The following TMEM170B variants were observed in gnomAD, a reference collection of about 807,000 sequenced individuals.
TMEM170B encodes the protein transmembrane protein 170B.
TMEM170B carries 6 observed loss-of-function variants against 13.0 expected under a neutral mutation model. That is an observed-to-expected ratio of 0.46 (90% CI 0.25 to 0.91). The LOEUF is 0.91. Among genes scored for constraint, TMEM170B ranks in the 40% least tolerant of loss-of-function variants. The pLI is 0.17. For synonymous variants in TMEM170B, 61 were observed against 64.9 expected (o/e 0.94, Z 0.29); for missense variants, 138 against 165.2 (o/e 0.84, Z 0.90).
intron 1 of TMEM170B, 100 bp from the exon 2 acceptor site, chr6:11,565,566 T>A (rs890919469): frequency 4.0e-6 from 5 of 1,247,840 alleles, no homozygotes; most frequent in South Asian, 1.3e-5. Flanking sequence ...CTATGTATTA[T>A]GTCATTTAAC....
rs756809667 is a variant in TMEM170B at position 11,577,319 on chromosome 6, A to G, written c.*1758A>G. The G allele has an allele frequency of 6.6e-6, 1 of 152,124 alleles. No homozygotes were observed. The highest frequency in any genetic ancestry group is 2.4e-5 in the African/African-American group (1 of 41,454). The allele number at this position is 152,124 out of a possible 1,614,324, so 9.4% of individuals were successfully genotyped here. On this transcript the variant is annotated 3_prime_UTR_variant, in exon 3 of 3. Coordinates refer to ENST00000379426, the MANE Select transcript of TMEM170B (RefSeq NM_001100829.3). ...ATGGATCTTTGAAGTAAATCTTAAA[A>G]TTGATTATTTTTATTATGTACAGGC... is the stretch of plus-strand genomic sequence containing the variant.
At chr6:11,554,472 G>A (rs1158022270) in intron 1 of TMEM170B, among the ~76,000 whole-genome samples, 2 of 151,850 alleles carry the variant, frequency 1.3e-5, no homozygotes, top group Non-Finnish European at 2.9e-5. Flanking sequence ...CAGTTATGGG[G>A]AAGAACAAAT....
chr6:11,538,597 G>A (rs1362955956), intron 1 of TMEM170B, among the ~76,000 whole-genome samples: 1 of 152,058 alleles, frequency 6.6e-6, no homozygotes, highest in African/African-American at 2.4e-5. Context: ...GAGCATCAGC[G>A]ACCCCCGCTC....
intron 1 of TMEM170B, among the ~76,000 whole-genome samples, chr6:11,542,488 T>C (rs1026258709): frequency 7.9e-5 from 12 of 152,116 alleles, no homozygotes; most frequent in Non-Finnish European, 1.3e-4. Context: ...CATCCCAAAC[T>C]AGGACTGAGG....
intron 1 of TMEM170B, among the ~76,000 whole-genome samples, chr6:11,560,334 T>A (rs1759646480): frequency 6.7e-6 from 1 of 150,234 alleles, no homozygotes; most frequent in South Asian, 2.1e-4. Flanking sequence ...CCAGCTATTT[T>A]TTTTTTTTTT....
rs1759302808 is a variant in TMEM170B, at chr6:11,538,018, C to T, written c.-260C>T. On this transcript the variant is annotated 5_prime_UTR_variant, in exon 1 of 3. Coordinates refer to ENST00000379426, the MANE Select transcript of TMEM170B (RefSeq NM_001100829.3). ...TCGGGGGCCGCGCGAGGACGGCGCC[C>T]GGCCCCCTCCCCTCCTTCCTCCGTC... Among the ~76,000 whole-genome samples the T allele has an allele frequency of 6.6e-6, 1 of 151,236 alleles. No individual in the cohort carries two copies. The highest frequency in any genetic ancestry group is 2.4e-5 in the African/African-American group (1 of 41,292).
chr6:11,565,520 G>A, intron 1 of TMEM170B, 146 bp from the exon 2 acceptor site: 1 of 726,980 alleles, frequency 1.4e-6, no homozygotes, highest in South Asian at 1.7e-5. Context: ...AATGTATTCA[G>A]TGCTACTTGT....
intron 1 of TMEM170B, among the ~76,000 whole-genome samples, chr6:11,545,280 C>CTGTGTGTGTGTG (rs1210551633): frequency 0.031 from 4,395 of 139,732 alleles, 81 homozygotes; most frequent in Non-Finnish European, 0.047. Flanking sequence ...CTCTCTCTCT[C>CTGTGTGTGTGTG]TGTGTGTGTG....
chr6:11,559,669 T>G (rs1311681485), intron 1 of TMEM170B, among the ~76,000 whole-genome samples: 1 of 152,154 alleles, frequency 6.6e-6, no homozygotes, highest in Non-Finnish European at 1.5e-5. Context: ...GTGGGACATG[T>G]CCCCAAATTC....
At chr6:11,551,402 T>A (rs893764945) in intron 1 of TMEM170B, among the ~76,000 whole-genome samples, 2 of 152,284 alleles carry the variant, frequency 1.3e-5, no homozygotes, top group East Asian at 3.9e-4. Context: ...GAAGGCCTGC[T>A]GGATGCTGGC....
At chr6:11,550,969 C>T (rs1254434385) in intron 1 of TMEM170B, among the ~76,000 whole-genome samples, 1 of 152,142 alleles carries the variant, frequency 6.6e-6, no homozygotes, top group African/African-American at 2.4e-5. Context: ...TGACATTACC[C>T]CCAAATTTAG....
intron 1 of TMEM170B, among the ~76,000 whole-genome samples, chr6:11,542,772 T>G (rs890254223): frequency 1.3e-5 from 2 of 152,196 alleles, no homozygotes; most frequent in Non-Finnish European, 2.9e-5. Context: ...CTGCCTACAG[T>G]GCCATTTACA....
At chr6:11,565,309 A>G (rs1418252344) in intron 1 of TMEM170B, among the ~76,000 whole-genome samples, 1 of 152,248 alleles carries the variant, frequency 6.6e-6, no homozygotes, top group Non-Finnish European at 1.5e-5. Context: ...TATTTAGGGT[A>G]GAAAATAAAA....
In TMEM170B at chr6:11,537,915, C is replaced by T. The variant is rs901867682; in HGVS notation, c.-363C>T. On this transcript the variant is annotated 5_prime_UTR_variant, in exon 1 of 3. Transcript: ENST00000379426. ...GGCCTCCTGGCGTGACCTCGGCCTC[C>T]TCGCGTGTCCAGTCCCCGCGGCGCG... Among the ~76,000 whole-genome samples the T allele has an allele frequency of 1.3e-5, 2 of 151,732 alleles. No individual in the cohort carries two copies. The highest frequency in any genetic ancestry group is 4.8e-5 in the African/African-American group (2 of 41,384).
At position 11,582,657 on chromosome 6, in the gene TMEM170B, T is replaced by G. The variant is rs1561693003; in HGVS notation, c.*7096T>G. ...AGAGATTCTAGTGAACAGTGTTAGTTTTATACTGTAGTACAGGGCACACAC... is the reference window on the plus strand; with the variant it reads ...AGAGATTCTAGTGAACAGTGTTAGTGTTATACTGTAGTACAGGGCACACAC... On this transcript the variant is annotated 3_prime_UTR_variant, in exon 3 of 3. Transcript: ENST00000379426. 1 of 152,154 alleles carries G rather than the reference T, an allele frequency of 6.6e-6. No individual in the cohort carries two copies. Among genetic ancestry groups the G allele is most frequent in the Non-Finnish European group, 1.5e-5 (1 of 68,014 alleles). 9.4% of individuals were successfully genotyped at this position (152,154 alleles called of 1,614,324 possible). A position where few individuals can be genotyped will look rare whatever the true frequency, so the allele number is the denominator to read the frequency against.
At chr6:11,550,664 G>GT (rs1169105247) in intron 1 of TMEM170B, among the ~76,000 whole-genome samples, 1 of 152,152 alleles carries the variant, frequency 6.6e-6, no homozygotes, top group African/African-American at 2.4e-5. Flanking sequence ...AATGTTACAT[G>GT]TATTATTTCA....
At chr6:11,565,595 T>C in intron 1 of TMEM170B, 71 bp from the exon 2 acceptor site, 1 of 1,548,090 alleles carries the variant, frequency 6.5e-7, no homozygotes, top group South Asian at 1.1e-5. Flanking sequence ...CCATAGGTGC[T>C]CACTGTTTGT....
chr6:11,539,242 C>T (rs750581989), intron 1 of TMEM170B, among the ~76,000 whole-genome samples: 6 of 152,120 alleles, frequency 3.9e-5, no homozygotes, highest in Non-Finnish European at 7.4e-5. Flanking sequence ...GTAGAATTTA[C>T]GAGAAAGAGA....
At chr6:11,560,504 A>G (rs1414498852) in intron 1 of TMEM170B, among the ~76,000 whole-genome samples, 1 of 150,588 alleles carries the variant, frequency 6.6e-6, no homozygotes, top group East Asian at 2.0e-4. Context: ...GCAGCTACTC[A>G]GGAGACTGAG....
Sources: gnomAD v4.1 joint callset for allele counts (sites outside exome capture counted in the v4.1 genomes callset) on GRCh38, gnomAD v4.1.1 for gene constraint, MANE v1.5 for transcripts, NCBI Gene and HGNC (gene_info 2026-07-23, HGNC 2026-07-21) for gene names.